ADGRA3: variants seen among roughly 807,000 people sequenced by gnomAD.
The protein encoded by ADGRA3 is adhesion G protein-coupled receptor A3.
In ADGRA3, 56 loss-of-function variants were observed where a neutral mutation model predicts 119.8. The ratio of observed to expected loss-of-function variants is 0.47; its 90% CI spans 0.38 to 0.58. The LOEUF is 0.58. Among genes scored for constraint, ADGRA3 ranks in the 20% least tolerant of loss-of-function variants. ADGRA3 has a pLI of 0.00. For missense variants in ADGRA3, 1,516 were observed against 1,649.0 expected (o/e 0.92, Z 1.40); for synonymous variants, 607 against 623.8 (o/e 0.97, Z 0.40).
At chr4:22,474,693 T>C (rs1035491857) in intron 1 of ADGRA3, among the ~76,000 whole-genome samples, 1 of 152,158 alleles carries the variant, frequency 6.6e-6, no homozygotes, top group African/African-American at 2.4e-5. Flanking sequence ...GGGCCCAAGA[T>C]TACACTAGCC....
At chr4:22,451,290 T>A (rs1235712401) in intron 4 of ADGRA3, among the ~76,000 whole-genome samples, 1 of 151,944 alleles carries the variant, frequency 6.6e-6, no homozygotes, top group East Asian at 1.9e-4. Flanking sequence ...TTTGAAAAAA[T>A]TTTGATCTGT....
At chr4:22,498,315 A>T (rs1428132194) in intron 1 of ADGRA3, among the ~76,000 whole-genome samples, 1 of 152,040 alleles carries the variant, frequency 6.6e-6, no homozygotes, top group African/African-American at 2.4e-5. Flanking sequence ...CTCAGGGACA[A>T]AAAAAGAAAA....
intron 7 of ADGRA3, among the ~76,000 whole-genome samples, chr4:22,441,609 AG>A (rs1397017070): frequency 6.6e-6 from 1 of 152,198 alleles, no homozygotes; most frequent in Non-Finnish European, 1.5e-5. Flanking sequence ...TCTCCTCCAC[AG>A]CAAATCATTC....
intron 4 of ADGRA3, among the ~76,000 whole-genome samples, chr4:22,448,774 T>G (rs967258364): frequency 1.3e-5 from 2 of 152,154 alleles, no homozygotes; most frequent in Admixed American, 6.5e-5. Context: ...ATAATTTTTT[T>G]GTAAGAAAAA....
At chr4:22,515,411 C>T in intron 1 of ADGRA3, 117 bp downstream of exon 1, 2 of 1,277,988 alleles carry the variant, frequency 1.6e-6, no homozygotes, top group Non-Finnish European at 2.1e-6. Context: ...GCACCGCCCC[C>T]TGCCTACAGC....
At chr4:22,461,375 A>G (rs923831597) in intron 3 of ADGRA3, among the ~76,000 whole-genome samples, 2 of 152,162 alleles carry the variant, frequency 1.3e-5, no homozygotes, top group Non-Finnish European at 2.9e-5. Flanking sequence ...ATCTCAGCTC[A>G]TTGTAGTCTC....
rs1309623796 is a variant in ADGRA3, at chr4:22,447,166, GA to G, written c.545+273del. 4.0e-5 allele frequency among the ~76,000 whole-genome samples: 6 copies of G among 151,260 alleles called. No homozygotes were observed. In the South Asian group the frequency reaches 1.0e-3, roughly 26 times the overall value. On this transcript the variant is annotated intron_variant, in intron 5 of 18. Coordinates refer to ENST00000334304, the MANE Select transcript of ADGRA3 (RefSeq NM_145290.4). ...CAAACAAGGCAACATTTTATGATTT[GA>G]AAAAAAAGTCAAAAAGAAACAATTA...
At chr4:22,515,382 GCA>G in intron 1 of ADGRA3, 144 bp downstream of exon 1, 1 of 932,128 alleles carries the variant, frequency 1.1e-6, no homozygotes, top group Non-Finnish European at 1.5e-6. Flanking sequence ...CCCATGCCAA[GCA>G]CACGAGGTCT....
At chr4:22,428,556 T>C (rs1450735578) in intron 10 of ADGRA3, among the ~76,000 whole-genome samples, 1 of 152,142 alleles carries the variant, frequency 6.6e-6, no homozygotes, top group Non-Finnish European at 1.5e-5. Context: ...GAGCAATGGT[T>C]TTGGAGATGA....
At chr4:22,444,397 T>C (rs558438183) in intron 6 of ADGRA3, among the ~76,000 whole-genome samples, 61 of 152,252 alleles carry the variant, frequency 4.0e-4, no homozygotes, top group African/African-American at 1.4e-3. Context: ...GCAATTCTCC[T>C]GCCTCAGCCT....
At chr4:22,414,450 TAAC>T (rs1252914471) in intron 12 of ADGRA3, 2 of 459,506 alleles carry the variant, frequency 4.4e-6, no homozygotes, top group Non-Finnish European at 7.7e-6. Flanking sequence ...GATTTTTAAA[TAAC>T]AAATTATTCA....
intron 1 of ADGRA3, among the ~76,000 whole-genome samples, chr4:22,479,761 G>A (rs1718195231): frequency 1.3e-5 from 2 of 152,140 alleles, no homozygotes; most frequent in South Asian, 4.1e-4. Flanking sequence ...GCCCATCAAT[G>A]ATAGACTGGA....
At chr4:22,458,004 T>A (rs976218607) in intron 3 of ADGRA3, among the ~76,000 whole-genome samples, 8 of 152,158 alleles carry the variant, frequency 5.3e-5, no homozygotes, top group African/African-American at 1.7e-4. Context: ...AGGGAGGGGA[T>A]AAGAAAAGGA....
intron 12 of ADGRA3, chr4:22,414,710 A>C (rs569839550): frequency 1.6e-6 from 1 of 636,752 alleles, no homozygotes; most frequent in East Asian, 2.8e-5. Flanking sequence ...TAATTTGATG[A>C]AAATCTATTG....
At chr4:22,425,264 A>G (rs1715884385) in intron 10 of ADGRA3, among the ~76,000 whole-genome samples, 1 of 152,046 alleles carries the variant, frequency 6.6e-6, no homozygotes. Flanking sequence ...TCCCAACTCA[A>G]TGAATGCTTT....
intron 1 of ADGRA3, among the ~76,000 whole-genome samples, chr4:22,496,255 C>T (rs762432994): frequency 6.6e-6 from 1 of 152,112 alleles, no homozygotes; most frequent in South Asian, 2.1e-4. Flanking sequence ...TGACTCGGCT[C>T]AAGTCCTGGT....
intron 11 of ADGRA3, among the ~76,000 whole-genome samples, chr4:22,421,919 A>G: frequency 6.8e-6 from 1 of 147,130 alleles, no homozygotes; most frequent in African/African-American, 2.7e-5. Flanking sequence ...AAATTAGGTC[A>G]GAAAAATCAT....
chr4:22,394,352 G>A (rs1202355362), intron 16 of ADGRA3: 3 of 152,192 alleles, frequency 2.0e-5, no homozygotes, highest in Non-Finnish European at 4.4e-5. Flanking sequence ...GTGCTGGGAG[G>A]TGGGATCAAG....
intron 1 of ADGRA3, 26 bp from the exon 2 acceptor site, chr4:22,473,869 G>C (rs568998484): frequency 6.9e-7 from 1 of 1,458,536 alleles, no homozygotes; most frequent in Admixed American, 1.7e-5. Context: ...AAAATAATAA[G>C]TTGCCTAATA....
Sources: allele counts gnomAD v4.1 joint callset (sites outside exome capture counted in the v4.1 genomes callset), GRCh38; gene constraint gnomAD v4.1.1; transcripts MANE v1.5; gene names NCBI Gene and HGNC (gene_info 2026-07-23, HGNC 2026-07-21).